LEPR: variants seen among roughly 807,000 people sequenced by gnomAD.
LEPR encodes leptin receptor.
In LEPR, 56 loss-of-function variants were observed where a neutral mutation model predicts 114.7. The ratio of observed to expected loss-of-function variants is 0.49; its 90% CI spans 0.39 to 0.61. The LOEUF is 0.61. LEPR is among the 20% of genes least tolerant of loss of function. The pLI, the probability that LEPR is intolerant of heterozygous loss-of-function variation, is 0.00. For missense variants in LEPR, 1,202 were observed against 1,352.9 expected (o/e 0.89, Z 1.75); for synonymous variants, 443 against 461.4 (o/e 0.96, Z 0.51).
chr1:65,455,449 G>A (rs1305543978), intron 2 of LEPR, among the ~76,000 whole-genome samples: 4 of 152,240 alleles, frequency 2.6e-5, no homozygotes, highest in African/African-American at 9.6e-5. Flanking sequence ...GTGATGTACA[G>A]ATGGGTTTTT....
intron 2 of LEPR, among the ~76,000 whole-genome samples, chr1:65,442,060 G>A (rs1276009302): frequency 1.3e-5 from 2 of 152,184 alleles, no homozygotes; most frequent in Non-Finnish European, 2.9e-5. Context: ...GGTAAAGAAA[G>A]CATTCAGAGT....
chr1:65,475,985 C>G (rs1374400840), intron 2 of LEPR, among the ~76,000 whole-genome samples: 1 of 151,570 alleles, frequency 6.6e-6, no homozygotes, highest in African/African-American at 2.4e-5. Flanking sequence ...CCACTGCACT[C>G]CAGCCTGGGT....
chr1:65,576,201 G>T, intron 5 of LEPR: 1 of 171,012 alleles, frequency 5.8e-6, no homozygotes, highest in South Asian at 1.5e-4. Flanking sequence ...TGACCCTGTG[G>T]AGCCACTGCT....
At chr1:65,502,785 A>G (rs925363805) in intron 2 of LEPR, among the ~76,000 whole-genome samples, 1 of 151,268 alleles carries the variant, frequency 6.6e-6, no homozygotes, top group Admixed American at 6.6e-5. Flanking sequence ...CTGATTTGGG[A>G]TTGTGTCTGA....
chr1:65,539,119 T>C (rs1650993682), intron 2 of LEPR, among the ~76,000 whole-genome samples: 1 of 69,966 alleles, frequency 1.4e-5, no homozygotes, highest in African/African-American at 6.9e-5. Flanking sequence ...TTTAAAACCA[T>C]TGAAATTTTT....
At chr1:65,499,892 A>G (rs1648353987) in intron 2 of LEPR, among the ~76,000 whole-genome samples, 1 of 152,108 alleles carries the variant, frequency 6.6e-6, no homozygotes, top group Non-Finnish European at 1.5e-5. Context: ...ACAGCATTTA[A>G]GGACATCCAT....
chr1:65,544,281 A>G (rs1344900294), intron 2 of LEPR, among the ~76,000 whole-genome samples: 2 of 152,046 alleles, frequency 1.3e-5, no homozygotes, highest in African/African-American at 2.4e-5. Flanking sequence ...TGATTTTCAC[A>G]CATTGATTTT....
intron 7 of LEPR, among the ~76,000 whole-genome samples, 181 bp downstream of exon 7, chr1:65,596,774 G>A (rs1656095600): frequency 6.6e-6 from 1 of 151,690 alleles, no homozygotes; most frequent in South Asian, 2.1e-4. Context: ...TATATATATG[G>A]CTATAGGAAA....
At chr1:65,425,453 C>G in intron 2 of LEPR, 75 bp downstream of exon 2, 1 of 1,314,452 alleles carries the variant, frequency 7.6e-7, no homozygotes, top group Non-Finnish European at 1.0e-6. Flanking sequence ...TTAGAGAGTT[C>G]GGTCAATTTA....
chr1:65,484,105 C>T (rs571830024), intron 2 of LEPR, among the ~76,000 whole-genome samples: 1 of 152,080 alleles, frequency 6.6e-6, no homozygotes, highest in Non-Finnish European at 1.5e-5. Flanking sequence ...GATCCTCTTG[C>T]CTCGGCCTTC....
intron 3 of LEPR, among the ~76,000 whole-genome samples, chr1:65,567,085 C>G (rs1653819043): frequency 6.6e-6 from 1 of 152,100 alleles, no homozygotes; most frequent in Non-Finnish European, 1.5e-5. Flanking sequence ...AAAAGAATTC[C>G]TGGGATATTG....
chr1:65,460,534 T>C (rs945016697), intron 2 of LEPR, among the ~76,000 whole-genome samples: 1 of 152,204 alleles, frequency 6.6e-6, no homozygotes, highest in Non-Finnish European at 1.5e-5. Flanking sequence ...ATGTGTTAAA[T>C]ATCTTTCAAA....
chr1:65,421,197 T>A, intron 1 of LEPR: 1 of 891,258 alleles, frequency 1.1e-6, no homozygotes, highest in Non-Finnish European at 1.6e-6. Context: ...TTTTTCCAAC[T>A]GGGCAGAGTT....
At chr1:65,517,492 CA>C (rs1488518608) in intron 2 of LEPR, among the ~76,000 whole-genome samples, 5 of 152,132 alleles carry the variant, frequency 3.3e-5, no homozygotes, top group Admixed American at 2.6e-4. Context: ...CAAATGTGGG[CA>C]AAGTAAGTAA....
At chr1:65,555,386 G>A (rs981530187) in intron 2 of LEPR, among the ~76,000 whole-genome samples, 5 of 152,194 alleles carry the variant, frequency 3.3e-5, no homozygotes, top group Non-Finnish European at 4.4e-5. Flanking sequence ...TGATTCAGAG[G>A]AAAGAGTCAT....
rs935159032 is a variant in LEPR at position 65,526,378 on chromosome 1, C to T, written c.-20-39168C>T. 4 of 985,292 alleles carry T rather than the reference C, an allele frequency of 4.1e-6. No homozygotes were observed. In the African/African-American group the frequency reaches 7.0e-5, roughly 17 times the overall value. The allele number at this position is 985,292 out of a possible 1,614,324, so 61.0% of individuals were successfully genotyped here. A position where few individuals can be genotyped will look rare whatever the true frequency, so the allele number is the denominator to read the frequency against. On this transcript the variant is annotated intron_variant, in intron 2 of 19. Transcript: ENST00000349533. ...AACCCAATCCTAACCAAACCACTTACTGAAAGAGATTTGTAGTGGTGAGAA... is the reference window on the plus strand; with the variant it reads ...AACCCAATCCTAACCAAACCACTTATTGAAAGAGATTTGTAGTGGTGAGAA...
intron 14 of LEPR, 26 bp downstream of exon 14, chr1:65,610,322 T>TA (rs1350206853): frequency 3.2e-6 from 5 of 1,553,574 alleles, no homozygotes; most frequent in Non-Finnish European, 4.4e-6. Flanking sequence ...ATATTAATCT[T>TA]AAATTGTATT....
At chr1:65,631,958 TTC>T (rs1244783657) in intron 19 of LEPR, among the ~76,000 whole-genome samples, 1 of 152,212 alleles carries the variant, frequency 6.6e-6, no homozygotes, top group Non-Finnish European at 1.5e-5. Context: ...ATTTTTCTCA[TTC>T]TCTGTTTTTT....
rs557903114 is a variant in LEPR at position 65,436,678 on chromosome 1, A to C, written c.-21+11300A>C. Among the ~76,000 whole-genome samples, 4 of 152,364 alleles carry C rather than the reference A, an allele frequency of 2.6e-5. No individual in the cohort carries two copies. The East Asian group carries it at 7.7e-4, about 29-fold the overall frequency. On this transcript the variant is annotated intron_variant, in intron 2 of 19. Transcript: ENST00000349533. The stretch of plus-strand genomic sequence containing the variant: ...AGTGGTCTTAATCCTGAGATTGCTC[A>C]TTTGGAGAAGAGCACACTTGGAGAC...
Sources: gnomAD v4.1 joint callset for allele counts (sites outside exome capture counted in the v4.1 genomes callset) on GRCh38, gnomAD v4.1.1 for gene constraint, MANE v1.5 for transcripts, NCBI Gene and HGNC (gene_info 2026-07-23, HGNC 2026-07-21) for gene names.